Variants in EVX2 observed in about 807,000 individuals in gnomAD.
The protein encoded by EVX2 is homeobox even-skipped homolog protein 2.
A neutral mutation model predicts 19.2 loss-of-function variants in EVX2; 10 were observed. That is an observed-to-expected ratio of 0.52 (90% CI 0.32 to 0.89). The LOEUF (loss-of-function observed/expected upper bound fraction) is 0.89. Among genes scored for constraint, EVX2 ranks in the 40% least tolerant of loss-of-function variants. EVX2 has a pLI of 0.03. For synonymous variants in EVX2, 354 were observed against 328.4 expected, an observed-to-expected ratio of 1.08 and a Z score of -0.84; for missense variants, 710 against 694.9, an observed-to-expected ratio of 1.02 and a Z score of -0.24.
chr2:176,080,492 G>T lies in EVX2; in HGVS notation c.1046C>A (p.Ala349Asp). 1 of 1,348,500 alleles carries T rather than the reference G, an allele frequency of 7.4e-7. No individual in the cohort carries two copies. Among genetic ancestry groups the T allele is most frequent in the Non-Finnish European group, 9.5e-7 (1 of 1,056,394 alleles). The allele number at this position is 1,348,500 out of a possible 1,614,324, so 83.5% of individuals were successfully genotyped here. A position where few individuals can be genotyped will look rare whatever the true frequency, so the allele number is the denominator to read the frequency against. The change falls in exon 3 of 3, where the codon GCC becomes GAC. Residue 349 changes from alanine to aspartate, a missense_variant. Transcript: ENST00000308618. This position sits in a 1 kb window ranked among gnomAD's most constrained non-coding sequence, Gnocchi z 7.0. ...RHPGLYQAPA[A>D]AAGLNSAASA... ...GGCCGCGCTGTTGAGCCCCGCGGCGGCCGCGGGAGCCTGGTAGAGACCAGG... is the reference window on the plus strand; with the variant it reads ...GGCCGCGCTGTTGAGCCCCGCGGCGTCCGCGGGAGCCTGGTAGAGACCAGG...
Position 176,083,270 on chromosome 2 carries a change from G to A in EVX2, c.427+80C>T. 7.0e-7 allele frequency: 1 copy of A among 1,431,696 alleles called. No individual in the cohort carries two copies. The highest frequency in any genetic ancestry group is 9.4e-7 in the Non-Finnish European group (1 of 1,060,472). The allele number at this position is 1,431,696 out of a possible 1,614,324, so 88.7% of individuals were successfully genotyped here. ...CTGTGGAGGGTCTGAGAGGGGAAAAGGCACCGGGAAAGGCTGGCGGGGGCC... is the reference window on the plus strand; with the variant it reads ...CTGTGGAGGGTCTGAGAGGGGAAAAAGCACCGGGAAAGGCTGGCGGGGGCC... On this transcript the variant is annotated intron_variant, in intron 1 of 2. Transcript: ENST00000308618. The surrounding 1 kb of genome is among the most constrained non-coding windows in gnomAD (Gnocchi z 4.4).
chr2:176,080,980 G>T lies in EVX2; in HGVS notation c.700-142C>A. On this transcript the variant is annotated intron_variant, in intron 2 of 2. Transcript: ENST00000308618. The surrounding 1 kb of genome is among the most constrained non-coding windows in gnomAD (Gnocchi z 7.0). ...CAAGCCCAACCCCGAGTACCCTGTG[G>T]TCTCCCAGCTGGGAAAGTGTGGACG... 1 of 1,131,014 alleles carries T rather than the reference G, an allele frequency of 8.8e-7. No individual in the cohort carries two copies. Among genetic ancestry groups the T allele is most frequent in the Non-Finnish European group, 1.2e-6 (1 of 826,490 alleles). 70.1% of individuals were successfully genotyped at this position (1,131,014 alleles called of 1,614,324 possible). A position where few individuals can be genotyped will look rare whatever the true frequency, so the allele number is the denominator to read the frequency against.
In EVX2 at chr2:176,082,603, A is replaced by T. The variant is rs539520004; in HGVS notation, c.428-154T>A. 3.3e-5 allele frequency among the ~76,000 whole-genome samples: 5 copies of T among 152,380 alleles called. No individual in the cohort carries two copies. Among genetic ancestry groups the T allele is most frequent in the Non-Finnish European group, 7.3e-5 (5 of 68,044 alleles). ...GCTTACAAATTGCTGCCGTTAATGG[A>T]ATCAATAAAGTTTGGGGAGCCCTTC... On this transcript the variant is annotated intron_variant, in intron 1 of 2. Transcript: ENST00000308618. The surrounding 1 kb of genome is among the most constrained non-coding windows in gnomAD (Gnocchi z 5.2).
At position 176,083,734 on chromosome 2, in the gene EVX2, C is replaced by T. The variant is rs1484266798; in HGVS notation, c.43G>A (p.Gly15Arg). ...TTGCCCGCCGTAGGGCTGTGCAGCC[C>T]TCTCTCCATCAGAATCATCTCTTTT... ...IRKEMILMERGLHSPTAGKRF... is the reference protein window; with the variant it reads ...IRKEMILMERRLHSPTAGKRF... The change falls in exon 1 of 3, where the codon GGG (glycine) becomes AGG (arginine). Residue 15 changes from glycine (G) to arginine (R), a missense_variant. Physicochemically the swap from Gly to Arg is moderately radical, Grantham distance 125. Transcript: ENST00000308618. The surrounding 1 kb of genome is among the most constrained non-coding windows in gnomAD (Gnocchi z 4.4). The T allele has an allele frequency of 6.2e-7, 1 of 1,613,650 alleles. No individual in the cohort carries two copies. Among genetic ancestry groups the T allele is most frequent in the Non-Finnish European group, 8.5e-7 (1 of 1,179,966 alleles).
Position 176,080,266 on chromosome 2 carries a change from G to GCCGCCA in EVX2, c.1266_1271dup (p.Gly427_Gly428dup). 7.6e-7 allele frequency: 1 copy of GCCGCCA among 1,311,162 alleles called. No homozygotes were observed. The highest frequency in any genetic ancestry group is 2.0e-5 in the South Asian group (1 of 49,700). 81.2% of individuals were successfully genotyped at this position (1,311,162 alleles called of 1,614,324 possible). On this transcript the variant is annotated inframe_insertion, in exon 3 of 3. Coordinates refer to ENST00000308618, the MANE Select transcript of EVX2 (RefSeq NM_001080458.2). The surrounding 1 kb of genome is among the most constrained non-coding windows in gnomAD (Gnocchi z 7.0). Reference sequence around the variant, plus strand: ...CCCCGGCCCCGGCGCCCCCGCCGCCGCCGCCACCACCACCACCGCCGCCGC... The same window carrying GCCGCCA: ...CCCCGGCCCCGGCGCCCCCGCCGCCGCCGCCACCGCCACCACCACCACCGCCGCCGC...
At position 176,078,930 on chromosome 2, in the gene EVX2, G is replaced by C. The variant is rs757748169; in HGVS notation, c.*1177C>G. 3.0e-4 allele frequency: 45 copies of C among 152,216 alleles called. No individual in the cohort carries two copies. The highest frequency in any genetic ancestry group is 8.2e-4 in the African/African-American group (34 of 41,442). The allele number at this position is 152,216 out of a possible 1,614,324, so 9.4% of individuals were successfully genotyped here. ...TTCAAGGAAACCCCTCCAGTAGCCGGGTTGGCAGAGCGGGTCTCAGCAACC... is the reference window on the plus strand; with the variant it reads ...TTCAAGGAAACCCCTCCAGTAGCCGCGTTGGCAGAGCGGGTCTCAGCAACC... On this transcript the variant is annotated 3_prime_UTR_variant, in exon 3 of 3. Coordinates refer to ENST00000308618, the MANE Select transcript of EVX2 (RefSeq NM_001080458.2).
rs917269160 is a variant in EVX2 at position 176,080,044 on chromosome 2, G to A, written c.*63C>T. The stretch of plus-strand genomic sequence containing the variant: ...GCAACGCGCGGAGGGCTCAGGGGGC[G>A]CACAGGGGACTCCCGGGCACACTCA... On this transcript the variant is annotated 3_prime_UTR_variant, in exon 3 of 3. Transcript: ENST00000308618. This position sits in a 1 kb window ranked among gnomAD's most constrained non-coding sequence, Gnocchi z 7.0. 9.7e-6 allele frequency: 14 copies of A among 1,446,540 alleles called. No homozygotes were observed. In the African/African-American group the frequency reaches 1.5e-4, roughly 15 times the overall value. The allele number at this position is 1,446,540 out of a possible 1,614,324, so 89.6% of individuals were successfully genotyped here.
rs573534388 is a variant in EVX2, at chr2:176,082,205, T to C, written c.672A>G (p.Ala224=). Residue 224 remains alanine, a synonymous_variant, in exon 2 of 3, where the codon GCA becomes GCG. Transcript: ENST00000308618. The surrounding 1 kb of genome is among the most constrained non-coding windows in gnomAD (Gnocchi z 5.2). Reference sequence around the variant, plus strand: ...TGATGGTGGTTTCGGGCAGGTTGAGTGCCGCGGCCAGCTCGCACCGGCGGG... The same window carrying C: ...TGATGGTGGTTTCGGGCAGGTTGAGCGCCGCGGCCAGCTCGCACCGGCGGG... The part of the protein sequence containing the change: ...SRPRRCELAA[A]LNLPETTIKV... The C allele has an allele frequency of 6.3e-7, 1 of 1,598,888 alleles. No individual in the cohort carries two copies. Among genetic ancestry groups the C allele is most frequent in the Admixed American group, 1.7e-5 (1 of 59,464 alleles).
At position 176,079,945 on chromosome 2, in the gene EVX2, TC is replaced by T. The variant is rs1689104632; in HGVS notation, c.*161del. ...GCCAGGCTTTTGCGCCTGCTCCTTC[TC>T]CCCCAATTCGGAGCAGGTTCCCTTC... is the stretch of plus-strand genomic sequence containing the variant. On this transcript the variant is annotated 3_prime_UTR_variant, in exon 3 of 3. Transcript: ENST00000308618. The surrounding 1 kb of genome is among the most constrained non-coding windows in gnomAD (Gnocchi z 4.4). 7 of 691,666 alleles carry T rather than the reference TC, an allele frequency of 1.0e-5. No individual in the cohort carries two copies. The South Asian group carries it at 2.2e-4, about 22-fold the overall frequency. 42.8% of individuals were successfully genotyped at this position (691,666 alleles called of 1,614,324 possible).
rs1219294407 is a variant in EVX2, at chr2:176,078,502, T to C, written c.*1605A>G. 1 of 152,216 alleles carries C rather than the reference T, an allele frequency of 6.6e-6. No individual in the cohort carries two copies. The highest frequency in any genetic ancestry group is 2.4e-5 in the African/African-American group (1 of 41,446). The allele number at this position is 152,216 out of a possible 1,614,324, so 9.4% of individuals were successfully genotyped here. A position where few individuals can be genotyped will look rare whatever the true frequency, so the allele number is the denominator to read the frequency against. On this transcript the variant is annotated 3_prime_UTR_variant, in exon 3 of 3. Coordinates refer to ENST00000308618, the MANE Select transcript of EVX2 (RefSeq NM_001080458.2). The stretch of plus-strand genomic sequence containing the variant: ...ATGGAAATATCTGGGCTTGATTTAA[T>C]GAGGCTGTTCACACTGGTGGAATAT...
Position 176,080,118 on chromosome 2 carries a change from G to A in EVX2, c.1420C>T (p.Leu474Phe). The change falls in exon 3 of 3, where the codon CTC becomes TTC. Residue 474 changes from leucine (L) to phenylalanine (F), a missense_variant. Coordinates refer to ENST00000308618, the MANE Select transcript of EVX2 (RefSeq NM_001080458.2). This position sits in a 1 kb window ranked among gnomAD's most constrained non-coding sequence, Gnocchi z 7.0. ...CGGTGGCGACGTAGTTATCTGGTGA[G>A]CGGAGCCTCGTCCCTCTGGTCCGGC... is the stretch of plus-strand genomic sequence containing the variant. ...SPPDQRDEAP[L>F]TR 6.5e-7 allele frequency: 1 copy of A among 1,546,002 alleles called. No homozygotes were observed. Among genetic ancestry groups the A allele is most frequent in the East Asian group, 2.7e-5 (1 of 37,714 alleles).
rs1236400407 is a variant in EVX2 at position 176,077,473 on chromosome 2, T to C, written c.*2634A>G. On this transcript the variant is annotated 3_prime_UTR_variant, in exon 3 of 3. Coordinates refer to ENST00000308618, the MANE Select transcript of EVX2 (RefSeq NM_001080458.2). The stretch of plus-strand genomic sequence containing the variant: ...ATCTCTTAAACAAATAAAACTGCCT[T>C]GATTTAAATAACATTTATTTTACAT... The C allele has an allele frequency of 6.6e-6, 1 of 152,212 alleles. No homozygotes were observed. The highest frequency in any genetic ancestry group is 1.9e-4 in the East Asian group (1 of 5,206). The allele number at this position is 152,212 out of a possible 1,614,324, so 9.4% of individuals were successfully genotyped here. A position where few individuals can be genotyped will look rare whatever the true frequency, so the allele number is the denominator to read the frequency against.
Position 176,080,022 on chromosome 2 carries a change from A to C in EVX2, c.*85T>G. ...CTGGCGGCAGCGGCAGCAGCGGGCA[A>C]CGCGCGGAGGGCTCAGGGGGCGCAC... On this transcript the variant is annotated 3_prime_UTR_variant, in exon 3 of 3. Transcript: ENST00000308618. This position sits in a 1 kb window ranked among gnomAD's most constrained non-coding sequence, Gnocchi z 7.0. 1.6e-5 allele frequency: 21 copies of C among 1,288,074 alleles called. No individual in the cohort carries two copies. The highest frequency in any genetic ancestry group is 4.6e-5 in the African/African-American group (3 of 65,184). 79.8% of individuals were successfully genotyped at this position (1,288,074 alleles called of 1,614,324 possible).
rs1240043934 is a variant in EVX2, at chr2:176,083,423, C to T, written c.354G>A (p.Val118=). 1 of 1,613,878 alleles carries T rather than the reference C, an allele frequency of 6.2e-7. No homozygotes were observed. Among genetic ancestry groups the T allele is most frequent in the Admixed American group, 1.7e-5 (1 of 60,014 alleles). Residue 118 remains valine (V), a synonymous_variant, in exon 1 of 3, where the codon GTG becomes GTA. Transcript: ENST00000308618. The surrounding 1 kb of genome is among the most constrained non-coding windows in gnomAD (Gnocchi z 4.4). The stretch of plus-strand genomic sequence containing the variant: ...AGCGAAGCGCGGAGCAGCCCACCTC[C>T]ACGTCGCTGCTCATGTCGGCCTCAG... ...AAAEADMSSD[V]EVGCSALRSP... is the part of the protein sequence containing the mutation.
chr2:176,080,541 C>A lies in EVX2; in HGVS notation c.997G>T (p.Glu333Ter), dbSNP rs1350895814. 1.3e-6 allele frequency: 2 copies of A among 1,512,494 alleles called. No homozygotes were observed. The highest frequency in any genetic ancestry group is 1.4e-5 in the African/African-American group (1 of 70,586). 93.7% of individuals were successfully genotyped at this position (1,512,494 alleles called of 1,614,324 possible). ...GGGTGGCGGAAGCTACACAGCAGCT[C>A]CGGCCGAGAGTAGGGGTGCGAGAGG... ...RALSHPYSRP[E>*]LLCSFRHPGL... The change falls in exon 3 of 3, where the codon GAG (glutamate) becomes TAG (stop). Residue 333 changes from glutamate (E) to a stop codon, truncating the protein, a stop_gained. Coordinates refer to ENST00000308618, the MANE Select transcript of EVX2 (RefSeq NM_001080458.2). LOFTEE classifies it low-confidence loss of function (END_TRUNC). The surrounding 1 kb of genome is among the most constrained non-coding windows in gnomAD (Gnocchi z 7.0).
chr2:176,081,054 T>TC lies in EVX2; in HGVS notation c.700-217dup, dbSNP rs1347393045. The stretch of plus-strand genomic sequence containing the variant: ...ACACCGTCCTCAACGAAGAGGGTCC[T>TC]CTCCCCCGCGTCCGGCTGCTGCTGC... On this transcript the variant is annotated intron_variant, in intron 2 of 2. Coordinates refer to ENST00000308618, the MANE Select transcript of EVX2 (RefSeq NM_001080458.2). This position sits in a 1 kb window ranked among gnomAD's most constrained non-coding sequence, Gnocchi z 5.9. Among the ~76,000 whole-genome samples the TC allele has an allele frequency of 1.3e-5, 2 of 152,150 alleles. No individual in the cohort carries two copies. Among genetic ancestry groups the TC allele is most frequent in the African/African-American group, 2.4e-5 (1 of 41,434 alleles).
Position 176,080,782 on chromosome 2 carries a change from C to T in EVX2, c.756G>A (p.Trp252Ter). 1 of 1,611,610 alleles carries T rather than the reference C, an allele frequency of 6.2e-7. No individual in the cohort carries two copies. Among genetic ancestry groups the T allele is most frequent in the Non-Finnish European group, 8.5e-7 (1 of 1,179,618 alleles). The change falls in exon 3 of 3, where the codon TGG (tryptophan) becomes TGA (stop). Residue 252 changes from tryptophan (W) to a stop codon, truncating the protein, a stop_gained. Coordinates refer to ENST00000308618, the MANE Select transcript of EVX2 (RefSeq NM_001080458.2). LOFTEE classifies it high-confidence loss of function. The surrounding 1 kb of genome is among the most constrained non-coding windows in gnomAD (Gnocchi z 7.0). ...KDKRQRLAMS[W>*]PHPADPSFYT... ...AGAAGCTGGGGTCGGCTGGGTGCGG[C>T]CAGGACATGGCCAGGCGCTGCCGCT... is the stretch of plus-strand genomic sequence containing the variant.
Position 176,083,765 on chromosome 2 carries a change from T to G in EVX2, c.12A>C (p.Arg4Ser), listed in dbSNP as rs755194069. The stretch of plus-strand genomic sequence containing the variant: ...CCATCAGAATCATCTCTTTTCTTAT[T>G]CTTTCCATCATCTCAGCTTTCTTAA... MME[R>S]IRKEMILMER... is the part of the protein sequence containing the mutation. Residue 4 changes from arginine (R) to serine (S), a missense_variant, in exon 1 of 3, where the codon AGA (arginine) becomes AGC (serine). Transcript: ENST00000308618. The surrounding 1 kb of genome is among the most constrained non-coding windows in gnomAD (Gnocchi z 4.4). 8.1e-6 allele frequency: 13 copies of G among 1,609,770 alleles called. No homozygotes were observed. The highest frequency in any genetic ancestry group is 3.3e-5 in the Admixed American group (2 of 59,972).
In EVX2 at chr2:176,079,366, G is replaced by A. The variant is rs985737079; in HGVS notation, c.*741C>T. 1.3e-5 allele frequency: 2 copies of A among 152,200 alleles called. No individual in the cohort carries two copies. Among genetic ancestry groups the A allele is most frequent in the African/African-American group, 4.8e-5 (2 of 41,426 alleles). 9.4% of individuals were successfully genotyped at this position (152,200 alleles called of 1,614,324 possible). Reference sequence around the variant, plus strand: ...AGAGAGAAAGGTGTTGGACCGAAAAGGAGGCGGCGCAACGGCCACCCCTTC... The same window carrying A: ...AGAGAGAAAGGTGTTGGACCGAAAAAGAGGCGGCGCAACGGCCACCCCTTC... On this transcript the variant is annotated 3_prime_UTR_variant, in exon 3 of 3. Coordinates refer to ENST00000308618, the MANE Select transcript of EVX2 (RefSeq NM_001080458.2). This position sits in a 1 kb window ranked among gnomAD's most constrained non-coding sequence, Gnocchi z 4.4.
Sources: gnomAD v4.1 joint callset for allele counts (sites outside exome capture counted in the v4.1 genomes callset) on GRCh38, gnomAD v4.1.1 for gene constraint, Gnocchi (gnomAD v3.1) non-coding constraint, MANE v1.5 for transcripts, NCBI Gene and HGNC (gene_info 2026-07-23, HGNC 2026-07-21) for gene names.